MAML2: variants seen among roughly 807,000 people sequenced by gnomAD.
The protein encoded by MAML2 is mastermind-like protein 2.
A neutral mutation model predicts 96.1 loss-of-function variants in MAML2; 22 were observed. The ratio of observed to expected loss-of-function variants is 0.23; its 90% confidence interval spans 0.16 to 0.33. MAML2 has a LOEUF of 0.33. MAML2 is among the 10% of genes least tolerant of loss of function. The pLI is 1.00. For missense variants in MAML2, 1,367 were observed against 1,392.4 expected (o/e 0.98, Z 0.29); for synonymous variants, 561 against 521.3 (o/e 1.08, Z -1.04).
chr11:96,265,392 C>G (rs1862811632), intron 1 of MAML2, among the ~76,000 whole-genome samples: 1 of 150,426 alleles, frequency 6.6e-6, no homozygotes, highest in Admixed American at 6.6e-5. Flanking sequence ...GTACAGAAGT[C>G]TGCACAGAGA....
chr11:96,081,659 T>G lies in MAML2; in HGVS notation c.2139+10233A>C, dbSNP rs916767551. ...TTTGTATTATTTTATCGGAGGGTGCTTATTTGCAATGAGAAGCAAACTAAC... is the reference window on the plus strand; with the variant it reads ...TTTGTATTATTTTATCGGAGGGTGCGTATTTGCAATGAGAAGCAAACTAAC... On this transcript the variant is annotated intron_variant, in intron 2 of 4. Coordinates refer to ENST00000524717, the MANE Select transcript of MAML2 (RefSeq NM_032427.4). Among the ~76,000 whole-genome samples the G allele has an allele frequency of 5.3e-5, 8 of 152,374 alleles. 1 individual carries two copies. Among genetic ancestry groups the G allele is most frequent in the Admixed American group, 5.2e-4 (8 of 15,298 alleles).
At chr11:96,224,949 G>T (rs1344258465) in intron 1 of MAML2, among the ~76,000 whole-genome samples, 1 of 152,112 alleles carries the variant, frequency 6.6e-6, no homozygotes, top group Non-Finnish European at 1.5e-5. Flanking sequence ...TCCAGGAAAA[G>T]CACTTTGTCT....
intron 1 of MAML2, among the ~76,000 whole-genome samples, chr11:96,272,350 C>A (rs1298609339): frequency 6.6e-6 from 1 of 152,100 alleles, no homozygotes; most frequent in Non-Finnish European, 1.5e-5. Context: ...ATATTGAAAC[C>A]TCTTGGTTTA....
intron 1 of MAML2, among the ~76,000 whole-genome samples, chr11:96,320,737 C>A (rs1190229627): frequency 6.6e-6 from 1 of 152,100 alleles, no homozygotes; most frequent in African/African-American, 2.4e-5. Context: ...GGAAAAACAG[C>A]CAGCATTTGT....
chr11:96,159,403 G>GTTTTTTTTTTTTT (rs1861064193), intron 1 of MAML2, among the ~76,000 whole-genome samples: 1 of 58,484 alleles, frequency 1.7e-5, no homozygotes, highest in Non-Finnish European at 3.4e-5. Flanking sequence ...CTAAACCACT[G>GTTTTTTTTTTTTT]ATTCTTTTTT....
At chr11:96,248,692 C>CA (rs887495783) in intron 1 of MAML2, among the ~76,000 whole-genome samples, 11 of 150,908 alleles carry the variant, frequency 7.3e-5, no homozygotes, top group South Asian at 2.1e-4. Context: ...TTTAAAAATA[C>CA]AAAAAAAAAT....
At chr11:96,176,340 T>A (rs867780299) in intron 1 of MAML2, among the ~76,000 whole-genome samples, 10 of 152,254 alleles carry the variant, frequency 6.6e-5, no homozygotes, top group African/African-American at 1.2e-4. Context: ...AATCACTGAA[T>A]GCTTACTGTA....
chr11:96,067,967 G>A (rs938165659), intron 2 of MAML2, among the ~76,000 whole-genome samples: 2 of 152,212 alleles, frequency 1.3e-5, no homozygotes, highest in African/African-American at 4.8e-5. Flanking sequence ...TTTATAAATA[G>A]GGCCAAATAA....
At chr11:96,009,365 T>C (rs1183574243) in intron 2 of MAML2, among the ~76,000 whole-genome samples, 1 of 152,212 alleles carries the variant, frequency 6.6e-6, no homozygotes, top group Non-Finnish European at 1.5e-5. Flanking sequence ...CACCCTACTA[T>C]TGCTTTCTAT....
rs894641156 is a variant in MAML2, at chr11:96,091,863, C to G, written c.2139+29G>C. 3 of 1,595,348 alleles carry G rather than the reference C, an allele frequency of 1.9e-6. No individual in the cohort carries two copies. In the African/African-American group the frequency reaches 4.0e-5, roughly 21 times the overall value. On this transcript the variant is annotated intron_variant, in intron 2 of 4. Coordinates refer to ENST00000524717, the MANE Select transcript of MAML2 (RefSeq NM_032427.4). Reference sequence around the variant, plus strand: ...GATCAAGCTAAATGGTCTCTGGGAACTCTGTATTTGGAGTAGTAGAGCCCT... The same window carrying G: ...GATCAAGCTAAATGGTCTCTGGGAAGTCTGTATTTGGAGTAGTAGAGCCCT...
intron 1 of MAML2, among the ~76,000 whole-genome samples, chr11:96,330,712 A>C (rs1347925982): frequency 6.6e-6 from 1 of 152,112 alleles, no homozygotes; most frequent in Non-Finnish European, 1.5e-5. Context: ...GAGTCGGGGC[A>C]CCTTGGTTCT....
chr11:96,316,095 T>C (rs1208344806), intron 1 of MAML2, among the ~76,000 whole-genome samples: 4 of 152,368 alleles, frequency 2.6e-5, no homozygotes, highest in Non-Finnish European at 5.9e-5. Context: ...ACTTGTTGCA[T>C]ACTCTTGTAA....
intron 1 of MAML2, among the ~76,000 whole-genome samples, chr11:96,261,261 GT>G (rs1432135463): frequency 6.6e-6 from 1 of 152,034 alleles, no homozygotes; most frequent in Non-Finnish European, 1.5e-5. Flanking sequence ...CCTCCGCCAC[GT>G]GATGCCCTGT....
intron 1 of MAML2, among the ~76,000 whole-genome samples, chr11:96,152,440 A>T (rs1355801572): frequency 6.6e-6 from 1 of 152,240 alleles, no homozygotes; most frequent in African/African-American, 2.4e-5. Flanking sequence ...TTTAAGTGTT[A>T]AAACTCTGCA....
At chr11:96,285,645 C>T (rs1222282411) in intron 1 of MAML2, among the ~76,000 whole-genome samples, 1 of 152,060 alleles carries the variant, frequency 6.6e-6, no homozygotes, top group African/African-American at 2.4e-5. Flanking sequence ...CAAACAACCC[C>T]ATTAAAAAGT....
chr11:96,276,232 T>C (rs1862985911), intron 1 of MAML2, among the ~76,000 whole-genome samples: 1 of 152,222 alleles, frequency 6.6e-6, no homozygotes, highest in Admixed American at 6.5e-5. Flanking sequence ...GAGACTTTTG[T>C]TTCCTTTTTC....
chr11:96,096,228 T>C (rs1368685513), intron 1 of MAML2, among the ~76,000 whole-genome samples: 1 of 152,212 alleles, frequency 6.6e-6, no homozygotes, highest in Non-Finnish European at 1.5e-5. Context: ...GGCCACTCCC[T>C]GGGCAGTGCA....
intron 1 of MAML2, among the ~76,000 whole-genome samples, chr11:96,254,604 A>AAAAC (rs1445927726): frequency 3.5e-4 from 53 of 151,986 alleles, no homozygotes; most frequent in Non-Finnish European, 6.6e-4. Flanking sequence ...CAAAACAAAA[A>AAAAC]AAAAACTCTT....
intron 1 of MAML2, among the ~76,000 whole-genome samples, chr11:96,336,972 T>C (rs1356859172): frequency 6.6e-6 from 1 of 152,162 alleles, no homozygotes; most frequent in Admixed American, 6.5e-5. Context: ...AAGCAAGATA[T>C]CTTGGTTTAC....
Sources: gnomAD v4.1 joint callset for allele counts (sites outside exome capture counted in the v4.1 genomes callset) on GRCh38, gnomAD v4.1.1 for gene constraint, MANE v1.5 for transcripts, NCBI Gene and HGNC (gene_info 2026-07-23, HGNC 2026-07-21) for gene names.